The following GRM5 variants were observed in gnomAD, a reference collection of about 807,000 sequenced individuals.
GRM5 encodes metabotropic glutamate receptor 5.
GRM5 carries 19 observed loss-of-function variants against 83.1 expected under a neutral mutation model. That is an observed-to-expected ratio of 0.23 (90% CI 0.16 to 0.34). The LOEUF is 0.34. Ranked by LOEUF, GRM5 falls within the 10% of genes least tolerant of loss-of-function variation. The pLI is 1.00. For missense variants in GRM5, 1,160 were observed against 1,588.3 expected (o/e 0.73, Z 4.58); for synonymous variants, 675 against 633.6 (o/e 1.07, Z -0.98).
chr11:88,971,025 G>A (rs1218292378), intron 2 of GRM5, among the ~76,000 whole-genome samples: 5 of 151,970 alleles, frequency 3.3e-5, no homozygotes, highest in Admixed American at 2.6e-4. Flanking sequence ...TGCTGTCATG[G>A]TGAGGAGTTT....
intron 3 of GRM5, among the ~76,000 whole-genome samples, chr11:88,757,282 T>C (rs1391446205): frequency 1.3e-5 from 2 of 152,192 alleles, no homozygotes; most frequent in African/African-American, 2.4e-5. Flanking sequence ...CCAGTGCACA[T>C]GTATGCAGGT....
At chr11:88,801,895 T>C (rs1230477955) in intron 3 of GRM5, among the ~76,000 whole-genome samples, 1 of 152,110 alleles carries the variant, frequency 6.6e-6, no homozygotes, top group Non-Finnish European at 1.5e-5. Flanking sequence ...CCAGAGAATT[T>C]AGTATGCTGA....
At chr11:88,627,501 A>G (rs1403821392) in intron 4 of GRM5, among the ~76,000 whole-genome samples, 2 of 152,122 alleles carry the variant, frequency 1.3e-5, no homozygotes, top group African/African-American at 4.8e-5. Context: ...CTTCATTACC[A>G]CTGCATGTCA....
intron 9 of GRM5, among the ~76,000 whole-genome samples, chr11:88,518,796 G>A (rs575282690): frequency 6.6e-6 from 1 of 151,510 alleles, no homozygotes; most frequent in South Asian, 2.1e-4. Context: ...TATTAAGATT[G>A]TAATTTCCTT....
At chr11:88,643,003 A>G (rs745601864) in intron 4 of GRM5, among the ~76,000 whole-genome samples, 1 of 152,042 alleles carries the variant, frequency 6.6e-6, no homozygotes, top group Non-Finnish European at 1.5e-5. Flanking sequence ...TTATCTTTAT[A>G]GCAATGTCCC....
At chr11:88,742,607 C>A (rs1211635769) in intron 3 of GRM5, among the ~76,000 whole-genome samples, 2 of 152,050 alleles carry the variant, frequency 1.3e-5, no homozygotes, top group Non-Finnish European at 2.9e-5. Context: ...TTGTTCCTTT[C>A]TGTGAAGAGC....
intron 3 of GRM5, among the ~76,000 whole-genome samples, chr11:88,705,697 A>G (rs1941139639): frequency 6.6e-6 from 1 of 150,944 alleles, no homozygotes; most frequent in African/African-American, 2.4e-5. Flanking sequence ...TATATATTCC[A>G]TCTTCCACAC....
intron 4 of GRM5, among the ~76,000 whole-genome samples, chr11:88,648,754 T>C (rs561364449): frequency 6.8e-4 from 103 of 152,046 alleles, no homozygotes; most frequent in African/African-American, 2.3e-3. Context: ...CCTCACACTT[T>C]AGTTGGCCTT....
At chr11:88,791,756 T>C (rs1565232604) in intron 3 of GRM5, among the ~76,000 whole-genome samples, 1 of 152,182 alleles carries the variant, frequency 6.6e-6, no homozygotes, top group Non-Finnish European at 1.5e-5. Flanking sequence ...TACAAGTTTG[T>C]GGCATAATCA....
intron 2 of GRM5, among the ~76,000 whole-genome samples, chr11:89,029,571 C>T (rs1941213017): frequency 6.6e-6 from 1 of 152,136 alleles, no homozygotes; most frequent in South Asian, 2.1e-4. Context: ...TGAACATTAA[C>T]ATTACACATG....
At chr11:88,757,631 A>C (rs774645503) in intron 3 of GRM5, among the ~76,000 whole-genome samples, 3 of 151,826 alleles carry the variant, frequency 2.0e-5, no homozygotes, top group Non-Finnish European at 4.4e-5. Flanking sequence ...CCACAAACAC[A>C]GTCACCAATA....
At chr11:88,986,866 T>A (rs1269762038) in intron 2 of GRM5, among the ~76,000 whole-genome samples, 1 of 151,540 alleles carries the variant, frequency 6.6e-6, no homozygotes, top group Non-Finnish European at 1.5e-5. Context: ...AAGTCTTTAA[T>A]CCACTTCTAG....
intron 3 of GRM5, among the ~76,000 whole-genome samples, chr11:88,657,914 C>T (rs1335301976): frequency 6.6e-6 from 1 of 152,118 alleles, no homozygotes; most frequent in Non-Finnish European, 1.5e-5. Context: ...TAACTCTGTT[C>T]TATGTCATCT....
At chr11:88,797,420 G>A (rs532427088) in intron 3 of GRM5, among the ~76,000 whole-genome samples, 2 of 152,150 alleles carry the variant, frequency 1.3e-5, no homozygotes, top group East Asian at 1.9e-4. Flanking sequence ...GATTATAGGC[G>A]TAAGCCACTG....
intron 7 of GRM5, among the ~76,000 whole-genome samples, chr11:88,569,472 A>G (rs961677971): frequency 1.3e-5 from 2 of 152,238 alleles, no homozygotes; most frequent in Non-Finnish European, 2.9e-5. Context: ...ATTTTTCATC[A>G]ACCATTGCTG....
intron 6 of GRM5, among the ~76,000 whole-genome samples, chr11:88,596,884 A>T (rs1937822380): frequency 6.6e-6 from 1 of 152,068 alleles, no homozygotes; most frequent in South Asian, 2.1e-4. Context: ...TATTAAATAA[A>T]TTAGAATTAG....
In GRM5 at chr11:88,809,019, C is replaced by T. The variant is rs1001963490; in HGVS notation, c.911+40887G>A. 5.9e-5 allele frequency among the ~76,000 whole-genome samples: 9 copies of T among 151,970 alleles called. No homozygotes were observed. The East Asian group carries it at 9.6e-4, about 16-fold the overall frequency. Reference sequence around the variant, plus strand: ...ATCCACTTCCTTTATCTTTTAACAACGTGTTTGTTTCTGTTTGGAGACTGT... The same window carrying T: ...ATCCACTTCCTTTATCTTTTAACAATGTGTTTGTTTCTGTTTGGAGACTGT... On this transcript the variant is annotated intron_variant, in intron 3 of 9. Transcript: ENST00000305447.
At chr11:88,629,915 A>G (rs1938915673) in intron 4 of GRM5, among the ~76,000 whole-genome samples, 1 of 152,166 alleles carries the variant, frequency 6.6e-6, no homozygotes, top group African/African-American at 2.4e-5. Context: ...GCTTTCCAAG[A>G]TCTCACCTTC....
intron 2 of GRM5, among the ~76,000 whole-genome samples, chr11:88,898,278 A>G (rs181911646): frequency 6.6e-6 from 1 of 152,040 alleles, no homozygotes; most frequent in African/African-American, 2.4e-5. Flanking sequence ...CTCGATTAAT[A>G]ATAATAATTA....
Sources: allele counts gnomAD v4.1 joint callset (sites outside exome capture counted in the v4.1 genomes callset), GRCh38; gene constraint gnomAD v4.1.1; transcripts MANE v1.5; gene names NCBI Gene and HGNC (gene_info 2026-07-23, HGNC 2026-07-21).